ME1: variants seen among roughly 807,000 people sequenced by gnomAD.
The protein encoded by ME1 is NADP-dependent malic enzyme.
ME1 carries 74 observed loss-of-function variants against 66.4 expected under a neutral mutation model. The ratio of observed to expected loss-of-function variants is 1.11; its 90% CI spans 0.92 to 1.35. ME1 has a LOEUF of 1.35. Among genes scored for constraint, ME1 ranks in the 40% most tolerant of loss-of-function variants. The pLI is 0.00. For synonymous variants in ME1, 251 were observed against 235.6 expected (o/e 1.07, Z -0.60); for missense variants, 750 against 694.1 (o/e 1.08, Z -0.90).
chr6:83,360,550 T>C (rs1461140714), intron 3 of ME1, among the ~76,000 whole-genome samples: 1 of 152,136 alleles, frequency 6.6e-6, no homozygotes, highest in Non-Finnish European at 1.5e-5. Context: ...AACCCCCACA[T>C]TAGCTCCCTG....
chr6:83,398,686 T>C (rs542288777), intron 2 of ME1, among the ~76,000 whole-genome samples, 170 bp from the exon 3 acceptor site: 4 of 152,272 alleles, frequency 2.6e-5, no homozygotes, highest in Non-Finnish European at 5.9e-5. Context: ...TACGACAGAG[T>C]CTTGGCCGGG....
chr6:83,430,789 G>C, intron 1 of ME1, 88 bp downstream of exon 1: 1 of 1,194,354 alleles, frequency 8.4e-7, no homozygotes, highest in East Asian at 2.8e-5. Flanking sequence ...GCGGCGGAGG[G>C]GCGAGGCCAT....
chr6:83,222,991 A>G (rs573383944), intron 12 of ME1, among the ~76,000 whole-genome samples: 1 of 152,320 alleles, frequency 6.6e-6, no homozygotes, highest in South Asian at 2.1e-4. Context: ...ATTTCTGCTT[A>G]AATACTAGGG....
intron 6 of ME1, among the ~76,000 whole-genome samples, chr6:83,282,394 A>G (rs1269794931): frequency 6.6e-6 from 1 of 152,236 alleles, no homozygotes; most frequent in Non-Finnish European, 1.5e-5. Flanking sequence ...CAGAATCTAC[A>G]AAGAACTTAA....
intron 5 of ME1, among the ~76,000 whole-genome samples, chr6:83,341,259 C>A (rs1768576780): frequency 2.6e-5 from 4 of 152,162 alleles, no homozygotes. Context: ...AAAATGGACA[C>A]TTCACATTTG....
At chr6:83,393,009 C>A in intron 3 of ME1, 1 of 1,065,846 alleles carries the variant, frequency 9.4e-7, no homozygotes. Context: ...CCATGGGGCT[C>A]TCCAGAACAT....
At chr6:83,355,722 C>T (rs1451077430) in intron 3 of ME1, among the ~76,000 whole-genome samples, 2 of 152,012 alleles carry the variant, frequency 1.3e-5, no homozygotes, top group Non-Finnish European at 2.9e-5. Flanking sequence ...ACAGAAATGA[C>T]TCATACTTTC....
At chr6:83,316,100 T>C (rs948913020) in intron 5 of ME1, among the ~76,000 whole-genome samples, 7 of 152,258 alleles carry the variant, frequency 4.6e-5, no homozygotes, top group Admixed American at 1.3e-4. Flanking sequence ...AATGGAAAGA[T>C]AGCAATTCCT....
chr6:83,407,980 C>A, intron 1 of ME1, 79 bp from the exon 2 acceptor site: 1 of 1,435,464 alleles, frequency 7.0e-7, no homozygotes, highest in Non-Finnish European at 9.2e-7. Context: ...TAAAATCTGA[C>A]AAGTATATGC....
intron 5 of ME1, among the ~76,000 whole-genome samples, chr6:83,331,080 G>A (rs940544272): frequency 3.9e-5 from 6 of 152,134 alleles, no homozygotes; most frequent in African/African-American, 1.2e-4. Context: ...CAAAGAATAC[G>A]CAGAAATCAC....
At chr6:83,407,315 G>A (rs1265591852) in intron 2 of ME1, among the ~76,000 whole-genome samples, 1 of 152,072 alleles carries the variant, frequency 6.6e-6, no homozygotes, top group African/African-American at 2.4e-5. Flanking sequence ...TAAACCCAAA[G>A]GTAGGGAAAA....
chr6:83,248,158 T>G (rs921653420), intron 7 of ME1, among the ~76,000 whole-genome samples: 1 of 152,186 alleles, frequency 6.6e-6, no homozygotes, highest in Non-Finnish European at 1.5e-5. Context: ...TGACCCTAAT[T>G]GCTTGTTTTG....
intron 6 of ME1, among the ~76,000 whole-genome samples, chr6:83,277,896 T>C (rs1230917299): frequency 3.2e-5 from 2 of 63,238 alleles, no homozygotes; most frequent in Non-Finnish European, 6.0e-5. Flanking sequence ...TGAGACTGTA[T>C]CTCAAAATAA....
At chr6:83,371,013 G>T (rs1442104594) in intron 3 of ME1, among the ~76,000 whole-genome samples, 1 of 152,078 alleles carries the variant, frequency 6.6e-6, no homozygotes, top group Non-Finnish European at 1.5e-5. Flanking sequence ...ATTAAGATTT[G>T]CCCCAATGTT....
chr6:83,430,904 C>A lies in ME1; in HGVS notation c.51G>T (p.Leu17=). The change falls in exon 1 of 14, where the codon CTG becomes CTT. Residue 17 remains leucine, a synonymous_variant. Coordinates refer to ENST00000369705, the MANE Select transcript of ME1 (RefSeq NM_002395.6). ...RRRHTHQRGY[L]LTRNPHLNKD... ...TGTTGAGGTGAGGGTTCCGTGTCAG[C>A]AGGTAGCCGCGCTGATGGGTGTGGC... 6.2e-7 allele frequency: 1 copy of A among 1,603,058 alleles called. No homozygotes were observed. The highest frequency in any genetic ancestry group is 2.3e-5 in the East Asian group (1 of 43,754).
At chr6:83,351,002 T>C (rs1421653414) in intron 4 of ME1, among the ~76,000 whole-genome samples, 1 of 119,554 alleles carries the variant, frequency 8.4e-6, no homozygotes, top group Non-Finnish European at 1.7e-5. Context: ...AAAAAAAAAT[T>C]GAGGACACTG....
intron 5 of ME1, among the ~76,000 whole-genome samples, chr6:83,319,531 G>C (rs189669767): frequency 6.6e-5 from 10 of 152,160 alleles, no homozygotes; most frequent in Admixed American, 6.6e-4. Context: ...TATTAAGACA[G>C]AGACACTTCA....
At chr6:83,346,382 G>A (rs1032721703) in intron 4 of ME1, 48 bp from the exon 5 acceptor site, 1 of 1,373,904 alleles carries the variant, frequency 7.3e-7, no homozygotes, top group Non-Finnish European at 9.8e-7. Flanking sequence ...CACAAATCCT[G>A]AGACACAATT....
At chr6:83,375,308 C>T (rs796733046) in intron 3 of ME1, among the ~76,000 whole-genome samples, 11 of 152,258 alleles carry the variant, frequency 7.2e-5, no homozygotes, top group African/African-American at 2.2e-4. Flanking sequence ...AGAGGTCCTT[C>T]GCATCCCTTG....
Sources: gnomAD v4.1 joint callset for allele counts (sites outside exome capture counted in the v4.1 genomes callset) on GRCh38, gnomAD v4.1.1 for gene constraint, MANE v1.5 for transcripts, NCBI Gene and HGNC (gene_info 2026-07-23, HGNC 2026-07-21) for gene names.